BACH2: variants seen among roughly 807,000 people sequenced by gnomAD.
The protein encoded by BACH2 is transcription regulator protein BACH2.
Under a neutral mutation model 61.8 loss-of-function variants are expected in BACH2, and 5 were observed. The observed-to-expected ratio is 0.08, with a 90% confidence interval of 0.04 to 0.17. The LOEUF (loss-of-function observed/expected upper bound fraction) is 0.17, where lower values mean the gene tolerates loss of function less well. Among genes scored for constraint, BACH2 ranks in the 10% least tolerant of loss-of-function variants. BACH2 has a pLI of 1.00. For missense variants in BACH2, 824 were observed against 1,091.1 expected, an observed-to-expected ratio of 0.76 and a Z score of 3.45; for synonymous variants, 446 against 440.1, an observed-to-expected ratio of 1.01 and a Z score of -0.17.
chr6:90,162,255 T>C (rs955217701), intron 4 of BACH2, among the ~76,000 whole-genome samples: 9 of 152,242 alleles, frequency 5.9e-5, no homozygotes, highest in Non-Finnish European at 1.3e-4. Context: ...AAATTACTAG[T>C]GCTCTCATCT....
chr6:90,076,446 C>A (rs1271937845), intron 5 of BACH2, among the ~76,000 whole-genome samples: 1 of 152,182 alleles, frequency 6.6e-6, no homozygotes, highest in African/African-American at 2.4e-5. Context: ...TCCAAGCACA[C>A]ATGATGTTCT....
intron 4 of BACH2, among the ~76,000 whole-genome samples, chr6:90,113,418 A>G (rs961211260): frequency 6.6e-6 from 1 of 152,234 alleles, no homozygotes; most frequent in African/African-American, 2.4e-5. Context: ...CAATAAAAAT[A>G]GAAGTCAACA....
chr6:90,289,013 G>A (rs1053448328), intron 1 of BACH2, among the ~76,000 whole-genome samples: 3 of 152,016 alleles, frequency 2.0e-5, no homozygotes, highest in Non-Finnish European at 1.5e-5. Flanking sequence ...TTTACTTTCC[G>A]ATCCCTAAAT....
intron 5 of BACH2, among the ~76,000 whole-genome samples, chr6:90,074,010 T>C (rs1015089056): frequency 8.5e-5 from 13 of 152,218 alleles, no homozygotes; most frequent in African/African-American, 3.1e-4. Context: ...CATTTCCTGA[T>C]AGAATACTGT....
chr6:90,200,423 T>C (rs1367434229), intron 4 of BACH2, among the ~76,000 whole-genome samples: 1 of 152,166 alleles, frequency 6.6e-6, no homozygotes, highest in Non-Finnish European at 1.5e-5. Flanking sequence ...GGCATCTTTT[T>C]CTAGAGCATT....
intron 4 of BACH2, among the ~76,000 whole-genome samples, chr6:90,189,888 T>C (rs1253086360): frequency 6.6e-6 from 1 of 152,144 alleles, no homozygotes; most frequent in Non-Finnish European, 1.5e-5. Context: ...ACCAAAGATA[T>C]ATCATCTCCC....
intron 4 of BACH2, among the ~76,000 whole-genome samples, chr6:90,148,697 C>T (rs1267105736): frequency 6.6e-6 from 1 of 152,170 alleles, no homozygotes; most frequent in Non-Finnish European, 1.5e-5. Flanking sequence ...TACACACACA[C>T]ACACACGCAT....
intron 3 of BACH2, among the ~76,000 whole-genome samples, chr6:90,228,212 CT>C (rs1769978104): frequency 6.6e-6 from 1 of 152,168 alleles, no homozygotes; most frequent in Admixed American, 6.5e-5. Context: ...AGGATAAAGT[CT>C]GAGTCAATTC....
intron 3 of BACH2, among the ~76,000 whole-genome samples, chr6:90,245,846 G>GA (rs1770617009): frequency 1.3e-5 from 2 of 152,132 alleles, no homozygotes. Context: ...GGTGGAAACA[G>GA]AAAAAATTGG....
rs1772511836 is a variant in BACH2, at chr6:89,929,283, T to A, written c.*3125A>T. 6.6e-6 allele frequency: 1 copy of A among 152,368 alleles called. No homozygotes were observed. Among genetic ancestry groups the A allele is most frequent in the Non-Finnish European group, 1.5e-5 (1 of 68,044 alleles). The allele number at this position is 152,368 out of a possible 1,614,324, so 9.4% of individuals were successfully genotyped here. A position where few individuals can be genotyped will look rare whatever the true frequency, so the allele number is the denominator to read the frequency against. On this transcript the variant is annotated 3_prime_UTR_variant, in exon 9 of 9. Coordinates refer to ENST00000257749, the MANE Select transcript of BACH2 (RefSeq NM_021813.4). Reference sequence around the variant, plus strand: ...CTCTTCCTTGCTGTTCACTCACTTTTCTTTTTCCTAAAAGGCGTGGGGTTG... The same window carrying A: ...CTCTTCCTTGCTGTTCACTCACTTTACTTTTTCCTAAAAGGCGTGGGGTTG...
intron 6 of BACH2, among the ~76,000 whole-genome samples, chr6:89,980,467 T>A (rs1775889688): frequency 6.6e-6 from 1 of 152,214 alleles, no homozygotes. Context: ...TAATCTATTG[T>A]TATGATTATT....
At chr6:89,941,321 C>T (rs1773416027) in intron 7 of BACH2, among the ~76,000 whole-genome samples, 1 of 152,362 alleles carries the variant, frequency 6.6e-6, no homozygotes, top group Non-Finnish European at 1.5e-5. Flanking sequence ...CAGGTTCCAT[C>T]ACAGCTCCGA....
At chr6:90,140,733 A>T (rs1018202179) in intron 4 of BACH2, among the ~76,000 whole-genome samples, 5 of 152,224 alleles carry the variant, frequency 3.3e-5, no homozygotes, top group African/African-American at 1.2e-4. Flanking sequence ...CAATAAAATG[A>T]TCATGCTAAA....
chr6:90,150,771 C>T (rs1425661833), intron 4 of BACH2, among the ~76,000 whole-genome samples: 1 of 152,112 alleles, frequency 6.6e-6, no homozygotes. Flanking sequence ...TTACTTAGCA[C>T]CCCCACCATG....
intron 4 of BACH2, among the ~76,000 whole-genome samples, chr6:90,173,922 C>T (rs1369020951): frequency 6.6e-6 from 1 of 152,050 alleles, no homozygotes; most frequent in Non-Finnish European, 1.5e-5. Flanking sequence ...ATAAAGGAGG[C>T]TGGGGGAAGA....
intron 6 of BACH2, among the ~76,000 whole-genome samples, chr6:89,957,214 A>G (rs754135329): frequency 6.6e-6 from 1 of 151,888 alleles, no homozygotes; most frequent in Non-Finnish European, 1.5e-5. Context: ...ACTGCAACCC[A>G]CTCTGCAGGA....
chr6:89,933,312 C>T (rs1286265336), intron 8 of BACH2, among the ~76,000 whole-genome samples: 1 of 152,032 alleles, frequency 6.6e-6, no homozygotes, highest in African/African-American at 2.4e-5. Flanking sequence ...TCTACCATTC[C>T]AACCGTATGA....
At chr6:89,954,420 G>T (rs1457357432) in intron 6 of BACH2, among the ~76,000 whole-genome samples, 4 of 149,206 alleles carry the variant, frequency 2.7e-5, no homozygotes, top group Non-Finnish European at 5.9e-5. Context: ...TTTAGCATTA[G>T]GTATATCTCC....
chr6:90,275,968 T>TA (rs57698514), intron 1 of BACH2, among the ~76,000 whole-genome samples: 92 of 144,110 alleles, frequency 6.4e-4, no homozygotes, highest in Admixed American at 8.2e-4. Context: ...GATTTCGTCT[T>TA]AAAAAAAAAA....
Sources: gnomAD v4.1 joint callset for allele counts (sites outside exome capture counted in the v4.1 genomes callset) on GRCh38, gnomAD v4.1.1 for gene constraint, MANE v1.5 for transcripts, NCBI Gene and HGNC (gene_info 2026-07-23, HGNC 2026-07-21) for gene names.